The following GLDN variants were observed in gnomAD, a reference collection of about 807,000 sequenced individuals.
GLDN encodes gliomedin.
GLDN carries 47 observed loss-of-function variants against 56.5 expected under a neutral mutation model. The observed-to-expected ratio is 0.83, with a 90% confidence interval of 0.66 to 1.06. The LOEUF (loss-of-function observed/expected upper bound fraction) is 1.06, where lower values mean the gene tolerates loss of function less well. Among genes scored for constraint, GLDN ranks in the 50% least tolerant of loss-of-function variants. GLDN has a pLI of 0.00. For synonymous variants in GLDN, 332 were observed against 278.8 expected, an observed-to-expected ratio of 1.19 and a Z score of -1.90; for missense variants, 782 against 714.3, an observed-to-expected ratio of 1.09 and a Z score of -1.08.
At position 51,377,433 on chromosome 15, in the gene GLDN, C is replaced by T. The variant is rs2037656940; in HGVS notation, c.364-16C>T. On this transcript the variant is annotated splice_polypyrimidine_tract_variant and intron_variant, in intron 1 of 9. Coordinates refer to ENST00000335449, the MANE Select transcript of GLDN (RefSeq NM_181789.4). ...GCTGCCCACTGTCTGCTCTGATGAC[C>T]CTCTCTCCCCTGCAGATCCGAGTGA... is the stretch of plus-strand genomic sequence containing the variant. 1 of 1,611,424 alleles carries T rather than the reference C, an allele frequency of 6.2e-7. No homozygotes were observed. The highest frequency in any genetic ancestry group is 8.5e-7 in the Non-Finnish European group (1 of 1,177,592).
chr15:51,404,711 T>C lies in GLDN; in HGVS notation c.1613T>C (p.Met538Thr). Residue 538 changes from methionine to threonine, a missense_variant, in exon 10 of 10, where the codon ATG becomes ACG. By Grantham distance (81) the Met-to-Thr change is moderately conservative (BLOSUM62 -1). Coordinates refer to ENST00000335449, the MANE Select transcript of GLDN (RefSeq NM_181789.4). ...HLYSWEDGHL[M>T]LYPVQFLSTT... ...TATTCATGGGAAGATGGCCATTTAA[T>C]GCTTTATCCTGTGCAGTTTTTGTCA... The C allele has an allele frequency of 6.2e-7, 1 of 1,609,498 alleles. No homozygotes were observed.
intron 1 of GLDN, among the ~76,000 whole-genome samples, chr15:51,356,187 C>T (rs1411172807): frequency 6.8e-6 from 1 of 146,506 alleles, no homozygotes; most frequent in Non-Finnish European, 1.5e-5. Context: ...AGCTGGGGAA[C>T]AGAGTGAGAC....
At position 51,400,178 on chromosome 15, in the gene GLDN, T is replaced by C. The variant is rs1250238214; in HGVS notation, c.818-14T>C. ...CAACCGTATCGGCTCTGATGATTAT[T>C]GTTGTCATTTTAGGTGAGACTTGTG... On this transcript the variant is annotated splice_polypyrimidine_tract_variant and intron_variant, in intron 6 of 9. Transcript: ENST00000335449. 6.2e-7 allele frequency: 1 copy of C among 1,612,576 alleles called. No individual in the cohort carries two copies. The highest frequency in any genetic ancestry group is 1.7e-5 in the Admixed American group (1 of 60,024).
intron 1 of GLDN, among the ~76,000 whole-genome samples, chr15:51,345,252 T>C (rs2036957459): frequency 6.6e-6 from 1 of 152,222 alleles, no homozygotes; most frequent in Admixed American, 6.5e-5. Context: ...GTCCAAAATC[T>C]AGGGTCAAGC....
chr15:51,399,259 G>A (rs1380883613), intron 6 of GLDN, among the ~76,000 whole-genome samples: 1 of 152,200 alleles, frequency 6.6e-6, no homozygotes, highest in Non-Finnish European at 1.5e-5. Flanking sequence ...AGAGATCATG[G>A]AGGGTCGGGC....
chr15:51,384,153 T>C (rs56404820), intron 4 of GLDN: 9,286 of 463,078 alleles, frequency 0.02, 713 homozygotes, highest in African/African-American at 0.17. Flanking sequence ...AGATGGGAGG[T>C]GGAAGGAGCA....
At chr15:51,353,151 T>G (rs1441430678) in intron 1 of GLDN, among the ~76,000 whole-genome samples, 1 of 152,112 alleles carries the variant, frequency 6.6e-6, no homozygotes, top group African/African-American at 2.4e-5. Flanking sequence ...GTGGCCCCCA[T>G]CTAGGAACAG....
At chr15:51,400,702 T>C (rs2038231666) in intron 8 of GLDN, among the ~76,000 whole-genome samples, 1 of 152,174 alleles carries the variant, frequency 6.6e-6, no homozygotes, top group African/African-American at 2.4e-5. Context: ...GAAGTTCAGG[T>C]CACAGGGGCA....
intron 5 of GLDN, among the ~76,000 whole-genome samples, chr15:51,396,411 G>T (rs1376157560): frequency 6.6e-6 from 1 of 152,220 alleles, no homozygotes; most frequent in Non-Finnish European, 1.5e-5. Flanking sequence ...AAAGCAGACA[G>T]TTGGTATTTG....
chr15:51,341,843 G>C lies in GLDN; in HGVS notation c.159G>C (p.Ala53=). 6.6e-7 allele frequency: 1 copy of C among 1,521,250 alleles called. No individual in the cohort carries two copies. Among genetic ancestry groups the C allele is most frequent in the Non-Finnish European group, 8.7e-7 (1 of 1,142,994 alleles). The allele number at this position is 1,521,250 out of a possible 1,614,324, so 94.2% of individuals were successfully genotyped here. A position where few individuals can be genotyped will look rare whatever the true frequency, so the allele number is the denominator to read the frequency against. ...GCTCGGCGCTGCGGGCTTTGGAGGC[G>C]CAGCGGGGCCGGGAGCAGCGCGAGG... ...GLSSALRALE[A]QRGREQREDS... is the part of the protein sequence containing the mutation. Residue 53 remains alanine (A), a synonymous_variant, in exon 1 of 10, where the codon GCG becomes GCC. Coordinates refer to ENST00000335449, the MANE Select transcript of GLDN (RefSeq NM_181789.4).
At chr15:51,389,265 C>A (rs2037966034) in intron 4 of GLDN, among the ~76,000 whole-genome samples, 1 of 152,192 alleles carries the variant, frequency 6.6e-6, no homozygotes, top group East Asian at 1.9e-4. Context: ...TTATTCATGA[C>A]ATCTCTTAGC....
chr15:51,411,553 C>G (rs1195967405), downstream of GLDN, among the ~76,000 whole-genome samples: 1 of 152,202 alleles, frequency 6.6e-6, no homozygotes, highest in African/African-American at 2.4e-5. Flanking sequence ...ATATTTTAAG[C>G]TTTGTGGGCC....
chr15:51,399,371 G>A (rs1353707970), intron 6 of GLDN, among the ~76,000 whole-genome samples: 1 of 152,200 alleles, frequency 6.6e-6, no homozygotes, highest in East Asian at 1.9e-4. Flanking sequence ...GTGGGCCTGA[G>A]GTTCAGTCCA....
Position 51,383,304 on chromosome 15 carries a change from C to T in GLDN, c.416-132C>T, listed in dbSNP as rs10162847. ...TAAAGGGTCTTTTGGCCAAATATAACGAGTTCTAAATACAAGGTGTCAAAT... is the reference window on the plus strand; with the variant it reads ...TAAAGGGTCTTTTGGCCAAATATAATGAGTTCTAAATACAAGGTGTCAAAT... On this transcript the variant is annotated intron_variant, in intron 2 of 9. Coordinates refer to ENST00000335449, the MANE Select transcript of GLDN (RefSeq NM_181789.4). 0.044 allele frequency: 41,617 copies of T among 943,316 alleles called. 2,571 individuals carry two copies. Among genetic ancestry groups the T allele is most frequent in the African/African-American group, 0.23 (13,595 of 58,534 alleles). 58.4% of individuals were successfully genotyped at this position (943,316 alleles called of 1,614,324 possible).
rs773996896 is a variant in GLDN at position 51,383,480 on chromosome 15, A to G, written c.433+27A>G. 3.7e-6 allele frequency: 6 copies of G among 1,613,264 alleles called. No homozygotes were observed. In the East Asian group the frequency reaches 1.1e-4, roughly 30 times the overall value. On this transcript the variant is annotated intron_variant, in intron 3 of 9. Transcript: ENST00000335449. ...TAAGAGCCCATGGATTTTCTAGTTC[A>G]AGGGGAGGCTGTGGGTGGCCAGACC...
intron 8 of GLDN, among the ~76,000 whole-genome samples, chr15:51,401,002 G>T (rs2038237527): frequency 6.6e-6 from 1 of 152,204 alleles, no homozygotes; most frequent in South Asian, 2.1e-4. Context: ...GTCCCAAAGA[G>T]ATGTGGTCAG....
intron 4 of GLDN, among the ~76,000 whole-genome samples, chr15:51,389,305 T>G (rs2037966499): frequency 1.3e-5 from 2 of 152,194 alleles, no homozygotes; most frequent in Non-Finnish European, 2.9e-5. Flanking sequence ...AATAAATAAT[T>G]GATGAATGAG....
intron 4 of GLDN, among the ~76,000 whole-genome samples, chr15:51,387,626 A>T (rs2037927259): frequency 6.6e-6 from 1 of 152,130 alleles, no homozygotes; most frequent in South Asian, 2.1e-4. Context: ...GTAGAGAAGG[A>T]AGGGCTGTCA....
chr15:51,403,602 A>G (rs1397346652), intron 9 of GLDN, among the ~76,000 whole-genome samples: 2 of 152,218 alleles, frequency 1.3e-5, no homozygotes, highest in African/African-American at 4.8e-5. Context: ...GCTAAGGGGC[A>G]TGAGATTCCA....
Sources: allele counts gnomAD v4.1 joint callset (sites outside exome capture counted in the v4.1 genomes callset), GRCh38; gene constraint gnomAD v4.1.1; transcripts MANE v1.5; gene names NCBI Gene and HGNC (gene_info 2026-07-23, HGNC 2026-07-21).